Variants in GALNT2 observed in about 807,000 individuals in gnomAD.
GALNT2 encodes the protein polypeptide N-acetylgalactosaminyltransferase 2.
In GALNT2, 31 loss-of-function variants were observed where a neutral mutation model predicts 81.4. The ratio of observed to expected loss-of-function variants is 0.38; its 90% CI spans 0.29 to 0.51. The LOEUF (loss-of-function observed/expected upper bound fraction) is 0.51. Ranked by LOEUF, GALNT2 falls within the 20% of genes least tolerant of loss-of-function variation. The pLI is 0.87. For synonymous variants in GALNT2, 303 were observed against 287.4 expected, an observed-to-expected ratio of 1.05 and a Z score of -0.55; for missense variants, 629 against 765.7, an observed-to-expected ratio of 0.82 and a Z score of 2.11.
At chr1:230,139,889 A>T (rs1482405140) in intron 1 of GALNT2, among the ~76,000 whole-genome samples, 2 of 152,152 alleles carry the variant, frequency 1.3e-5, no homozygotes, top group East Asian at 3.9e-4. Context: ...GCTCCTGGGA[A>T]CCTTTAATTG....
intron 1 of GALNT2, among the ~76,000 whole-genome samples, chr1:230,084,197 G>A (rs1413908867): frequency 6.6e-6 from 1 of 152,220 alleles, no homozygotes; most frequent in African/African-American, 2.4e-5. Flanking sequence ...GGGGAGCCAG[G>A]CTAACATGGG....
intron 1 of GALNT2, among the ~76,000 whole-genome samples, chr1:230,159,545 G>A (rs1242186440): frequency 6.6e-6 from 1 of 152,198 alleles, no homozygotes; most frequent in Non-Finnish European, 1.5e-5. Context: ...GAGGGGAGGG[G>A]ACGGTCACTT....
At chr1:230,261,916 C>T (rs1665887489) in intron 11 of GALNT2, 1 of 151,958 alleles carries the variant, frequency 6.6e-6, no homozygotes, top group African/African-American at 2.4e-5. Context: ...GAAGCTCAGG[C>T]AGGAGAATCG....
intron 1 of GALNT2, among the ~76,000 whole-genome samples, chr1:230,080,032 A>G (rs1659679638): frequency 6.6e-6 from 1 of 152,224 alleles, no homozygotes; most frequent in Admixed American, 6.5e-5. Flanking sequence ...TCTTCCTGGT[A>G]ATAAATGTGA....
At chr1:230,266,820 C>A (rs1182630480) in intron 14 of GALNT2, among the ~76,000 whole-genome samples, 1 of 152,110 alleles carries the variant, frequency 6.6e-6, no homozygotes, top group East Asian at 1.9e-4. Flanking sequence ...TGAGAGAGAG[C>A]CTCATTTTCT....
At chr1:230,203,677 A>G (rs1663975564) in intron 3 of GALNT2, among the ~76,000 whole-genome samples, 1 of 152,248 alleles carries the variant, frequency 6.6e-6, no homozygotes, top group Admixed American at 6.5e-5. Flanking sequence ...ATTCCTGCTT[A>G]TTGTGACAGC....
chr1:230,250,755 G>A (rs1665522252), intron 10 of GALNT2, among the ~76,000 whole-genome samples, 195 bp downstream of exon 10: 1 of 152,156 alleles, frequency 6.6e-6, no homozygotes, highest in Non-Finnish European at 1.5e-5. Context: ...TGCCTCCCTA[G>A]GTTAGAGTGG....
intron 2 of GALNT2, among the ~76,000 whole-genome samples, chr1:230,187,518 C>T (rs1047507746): frequency 6.6e-6 from 1 of 152,140 alleles, no homozygotes; most frequent in Admixed American, 6.6e-5. Context: ...CTACCTGTGA[C>T]CCCTGGAGCC....
At chr1:230,112,539 G>A (rs1190009437) in intron 1 of GALNT2, among the ~76,000 whole-genome samples, 1 of 152,148 alleles carries the variant, frequency 6.6e-6, no homozygotes, top group Non-Finnish European at 1.5e-5. Flanking sequence ...CAGTGGAGGA[G>A]GGATCTGGCC....
intron 3 of GALNT2, among the ~76,000 whole-genome samples, chr1:230,211,427 A>G (rs1168272881): frequency 2.0e-5 from 3 of 152,176 alleles, no homozygotes; most frequent in Non-Finnish European, 4.4e-5. Context: ...AGCTTGTTCA[A>G]TAATCACAGT....
At chr1:230,103,255 T>G (rs1215513976) in intron 1 of GALNT2, among the ~76,000 whole-genome samples, 1 of 152,204 alleles carries the variant, frequency 6.6e-6, no homozygotes, top group African/African-American at 2.4e-5. Context: ...GTAATAGATT[T>G]TAGTAACGTT....
intron 3 of GALNT2, among the ~76,000 whole-genome samples, chr1:230,218,908 T>C (rs1275828472): frequency 6.6e-6 from 1 of 152,194 alleles, no homozygotes; most frequent in Non-Finnish European, 1.5e-5. Context: ...GAGCTCCGCC[T>C]CCTGTCAGAT....
chr1:230,103,050 C>G lies in GALNT2; in HGVS notation c.126+35644C>G, dbSNP rs77041642. On this transcript the variant is annotated intron_variant, in intron 1 of 15. Coordinates refer to ENST00000366672, the MANE Select transcript of GALNT2 (RefSeq NM_004481.5). ...CTGAGATCGTGTTTAGAACACAGCA[C>G]TGTGCAGTAAGAGACTCCTATAACT... Among the ~76,000 whole-genome samples the G allele has an allele frequency of 7.5e-4, 114 of 152,306 alleles. 1 individual carries two copies. The East Asian group carries it at 0.021, about 28-fold the overall frequency.
intron 1 of GALNT2, among the ~76,000 whole-genome samples, chr1:230,120,510 CTG>C (rs1314692011): frequency 5.3e-5 from 8 of 152,174 alleles, no homozygotes; most frequent in African/African-American, 1.9e-4. Flanking sequence ...TTGGGGAACA[CTG>C]TGTTCCATGT....
Position 230,094,163 on chromosome 1 carries a change from A to ATTTT in GALNT2, c.126+26781_126+26784dup, listed in dbSNP as rs58639878. Among the ~76,000 whole-genome samples the ATTTT allele has an allele frequency of 6.3e-3, 753 of 119,308 alleles. 27 individuals are homozygous for ATTTT. The highest frequency in any genetic ancestry group is 0.022 in the African/African-American group (691 of 30,914). The allele number at this position is 119,308 out of a possible 152,430, so 78.3% of individuals were successfully genotyped here. ...CAGGTGTGTGCCACCATGCTGGCTA[A>ATTTT]TTTTTTTTTTTTTTTTTTTTTTTTT... On this transcript the variant is annotated intron_variant, in intron 1 of 15. Coordinates refer to ENST00000366672, the MANE Select transcript of GALNT2 (RefSeq NM_004481.5).
chr1:230,089,551 C>CA (rs1220077845), intron 1 of GALNT2, among the ~76,000 whole-genome samples: 1 of 152,120 alleles, frequency 6.6e-6, no homozygotes, highest in Non-Finnish European at 1.5e-5. Context: ...ACTCTGTACC[C>CA]AAAAAACAGT....
At chr1:230,150,136 G>A (rs1396482319) in intron 1 of GALNT2, among the ~76,000 whole-genome samples, 1 of 152,204 alleles carries the variant, frequency 6.6e-6, no homozygotes, top group Non-Finnish European at 1.5e-5. Context: ...TCCTGGATGC[G>A]GAGCCCATGA....
At chr1:230,208,076 T>A (rs1450701318) in intron 3 of GALNT2, among the ~76,000 whole-genome samples, 2 of 152,248 alleles carry the variant, frequency 1.3e-5, no homozygotes, top group Non-Finnish European at 2.9e-5. Context: ...AAAAATAATC[T>A]TCTTGCTTGG....
At chr1:230,099,618 CT>C (rs1273712517) in intron 1 of GALNT2, among the ~76,000 whole-genome samples, 4 of 152,310 alleles carry the variant, frequency 2.6e-5, no homozygotes, top group African/African-American at 9.6e-5. Flanking sequence ...CAGTACAAGC[CT>C]TTTAGCAATG....
Sources: allele counts gnomAD v4.1 joint callset (sites outside exome capture counted in the v4.1 genomes callset), GRCh38; gene constraint gnomAD v4.1.1; transcripts MANE v1.5; gene names NCBI Gene and HGNC (gene_info 2026-07-23, HGNC 2026-07-21).